The following WDR45B variants were observed in gnomAD, a reference collection of about 807,000 sequenced individuals.
WDR45B encodes WD repeat domain phosphoinositide-interacting protein 3.
Under a neutral mutation model 44.6 loss-of-function variants are expected in WDR45B, and 20 were observed. The ratio of observed to expected loss-of-function variants is 0.45; its 90% confidence interval spans 0.32 to 0.65. The LOEUF is 0.65. Ranked by LOEUF, WDR45B falls within the 30% of genes least tolerant of loss-of-function variation. WDR45B has a pLI of 0.05. For synonymous variants in WDR45B, 169 were observed against 164.9 expected (o/e 1.02, Z -0.19); for missense variants, 323 against 430.2 (o/e 0.75, Z 2.20).
chr17:82,641,257 G>A lies in WDR45B; in HGVS notation c.142+2692C>T, dbSNP rs980067865. Among the ~76,000 whole-genome samples, 9 of 152,106 alleles carry A rather than the reference G, an allele frequency of 5.9e-5. No homozygotes were observed. In the East Asian group the frequency reaches 1.5e-3, roughly 26 times the overall value. On this transcript the variant is annotated intron_variant, in intron 2 of 9. Transcript: ENST00000392325. ...GCTGGGATTACAGGCGTGAGCCACC[G>A]TGCGGGCCGTCAAACTCATTTTTAT...
rs1452156658 is a variant in WDR45B at position 82,615,529 on chromosome 17, C to G, written c.*390G>C. 1 of 302,176 alleles carries G rather than the reference C, an allele frequency of 3.3e-6. No individual in the cohort carries two copies. Among genetic ancestry groups the G allele is most frequent in the African/African-American group, 2.2e-5 (1 of 46,500 alleles). 18.7% of individuals were successfully genotyped at this position (302,176 alleles called of 1,614,324 possible). A position where few individuals can be genotyped will look rare whatever the true frequency, so the allele number is the denominator to read the frequency against. On this transcript the variant is annotated 3_prime_UTR_variant, in exon 10 of 10. Coordinates refer to ENST00000392325, the MANE Select transcript of WDR45B (RefSeq NM_019613.4). ...CTTGTTCACTCCCCCGCTGCAGACT[C>G]AGTAAGAACGACGGAATCTGCTGCA...
intron 3 of WDR45B, among the ~76,000 whole-genome samples, chr17:82,627,494 G>A (rs1393209429): frequency 6.6e-6 from 1 of 152,260 alleles, no homozygotes; most frequent in African/African-American, 2.4e-5. Flanking sequence ...CCGCCCTCGG[G>A]CACCTTCCCC....
In WDR45B at chr17:82,637,365, C is replaced by T. The variant is rs146790515; in HGVS notation, c.143-6343G>A. 8.0e-4 allele frequency among the ~76,000 whole-genome samples: 122 copies of T among 151,916 alleles called. 1 individual carries two copies. The highest frequency in any genetic ancestry group is 2.8e-3 in the African/African-American group (116 of 41,298). ...CAGTCCTTGTGGTACAGAGAAAAAC[C>T]CTCTCCTCTAATCATGGTCTCTATT... On this transcript the variant is annotated intron_variant, in intron 2 of 9. Transcript: ENST00000392325.
rs564166976 is a variant in WDR45B, at chr17:82,639,793, G to A, written c.142+4156C>T. On this transcript the variant is annotated intron_variant, in intron 2 of 9. Transcript: ENST00000392325. ...TGCTGGGCTGTGTGTGTGTGGGGTCGGGAGGGCTGCTGGGCTGTGTGTGTG... is the reference window on the plus strand; with the variant it reads ...TGCTGGGCTGTGTGTGTGTGGGGTCAGGAGGGCTGCTGGGCTGTGTGTGTG... Among the ~76,000 whole-genome samples the A allele has an allele frequency of 9.9e-4, 136 of 137,484 alleles. 2 individuals carry two copies. Among genetic ancestry groups the A allele is most frequent in the African/African-American group, 3.4e-3 (129 of 37,570 alleles). 90.2% of individuals were successfully genotyped at this position (137,484 alleles called of 152,430 possible). A position where few individuals can be genotyped will look rare whatever the true frequency, so the allele number is the denominator to read the frequency against.
chr17:82,621,547 C>T, intron 6 of WDR45B, 62 bp downstream of exon 6: 2 of 1,608,360 alleles, frequency 1.2e-6, no homozygotes, highest in Non-Finnish European at 1.7e-6. Context: ...CAGGGAATGG[C>T]CATTTTGCTG....
chr17:82,629,382 C>G, intron 3 of WDR45B: 2 of 514,714 alleles, frequency 3.9e-6, no homozygotes, highest in Non-Finnish European at 5.0e-6. Flanking sequence ...AGTCATTCTC[C>G]TGCAAATCCT....
chr17:82,634,617 T>C (rs2045811333), intron 2 of WDR45B, among the ~76,000 whole-genome samples: 1 of 151,936 alleles, frequency 6.6e-6, no homozygotes, highest in Non-Finnish European at 1.5e-5. Context: ...GCAGCATCAT[T>C]CACAATAGCA....
intron 5 of WDR45B, 69 bp downstream of exon 5, chr17:82,625,320 G>C (rs2045680438): frequency 6.8e-7 from 1 of 1,462,166 alleles, no homozygotes; most frequent in African/African-American, 1.4e-5. Flanking sequence ...CTTGGAGAAG[G>C]GAGTGCCCAG....
chr17:82,619,093 C>A lies in WDR45B; in HGVS notation c.654G>T (p.Gly218=). The A allele has an allele frequency of 6.2e-7, 1 of 1,614,176 alleles. No individual in the cohort carries two copies. The highest frequency in any genetic ancestry group is 8.5e-7 in the Non-Finnish European group (1 of 1,180,026). The change falls in exon 7 of 10, where the codon GGG becomes GGT. Residue 218 remains glycine (G), a synonymous_variant. Transcript: ENST00000392325. ...CTCTTCGCAGTTCCTGGATTAAATGCCCTGATGAAGTATCAAATATTCTTA... is the reference window on the plus strand; with the variant it reads ...CTCTTCGCAGTTCCTGGATTAAATGACCTGATGAAGTATCAAATATTCTTA... ...TLIRIFDTSS[G]HLIQELRRGS...
chr17:82,643,126 T>C (rs945307106), intron 2 of WDR45B, among the ~76,000 whole-genome samples: 6 of 152,140 alleles, frequency 3.9e-5, no homozygotes, highest in Non-Finnish European at 7.4e-5. Context: ...GTTATCAACC[T>C]TATTTCACGT....
intron 2 of WDR45B, among the ~76,000 whole-genome samples, chr17:82,635,905 T>G (rs1319597273): frequency 6.6e-6 from 1 of 151,520 alleles, no homozygotes; most frequent in Non-Finnish European, 1.5e-5. Flanking sequence ...GCGACCAACA[T>G]GGAAAACCCC....
chr17:82,632,596 G>A (rs1314894467), intron 2 of WDR45B, among the ~76,000 whole-genome samples: 4 of 152,100 alleles, frequency 2.6e-5, no homozygotes, highest in African/African-American at 7.2e-5. Context: ...AAACTCCCAC[G>A]TTCTGCATGG....
chr17:82,648,150 C>CGGGGCCG lies in WDR45B; in HGVS notation c.67+117_67+123dup, dbSNP rs920385867. Reference sequence around the variant, plus strand: ...CGGGGGCTTCGGAGGGGAGCTCGGGCGGGGCCGGGGTCCCGGGTGGAAGGC... The same window carrying CGGGGCCG: ...CGGGGGCTTCGGAGGGGAGCTCGGGCGGGGCCGGGGGCCGGGGTCCCGGGTGGAAGGC... On this transcript the variant is annotated intron_variant, in intron 1 of 9. Coordinates refer to ENST00000392325, the MANE Select transcript of WDR45B (RefSeq NM_019613.4). 2.2e-5 allele frequency: 25 copies of CGGGGCCG among 1,142,416 alleles called. No homozygotes were observed. The African/African-American group carries it at 4.1e-4, about 19-fold the overall frequency. The allele number at this position is 1,142,416 out of a possible 1,614,324, so 70.8% of individuals were successfully genotyped here.
intron 6 of WDR45B, among the ~76,000 whole-genome samples, chr17:82,620,541 C>T (rs954689608): frequency 3.9e-5 from 6 of 152,234 alleles, no homozygotes; most frequent in Non-Finnish European, 8.8e-5. Flanking sequence ...TCCCCACGTG[C>T]TGAGGAGTGA....
chr17:82,630,284 C>T (rs2045750274), intron 3 of WDR45B, among the ~76,000 whole-genome samples: 1 of 145,156 alleles, frequency 6.9e-6, no homozygotes, highest in African/African-American at 2.5e-5. Context: ...CCCAGATCTG[C>T]CTCCCACCTC....
chr17:82,646,504 AAAAAAAAAC>A (rs1469852132), intron 1 of WDR45B, among the ~76,000 whole-genome samples: 57 of 147,780 alleles, frequency 3.9e-4, no homozygotes, highest in Middle Eastern at 7.0e-3. Flanking sequence ...AAAAAAAAAA[AAAAAAAAAC>A]CCAAAACAAA....
intron 2 of WDR45B, among the ~76,000 whole-genome samples, chr17:82,641,766 C>T (rs1243568384): frequency 6.6e-6 from 1 of 152,000 alleles, no homozygotes; most frequent in Non-Finnish European, 1.5e-5. Flanking sequence ...GGCGTGGTGG[C>T]AGGTGCCTGC....
At chr17:82,632,026 AG>A in intron 2 of WDR45B, among the ~76,000 whole-genome samples, 1 of 151,600 alleles carries the variant, frequency 6.6e-6, no homozygotes, top group East Asian at 2.0e-4. Flanking sequence ...GGCTGCAGTG[AG>A]CCGAGATCAC....
At chr17:82,639,879 G>T (rs1470254457) in intron 2 of WDR45B, among the ~76,000 whole-genome samples, 49 of 116,214 alleles carry the variant, frequency 4.2e-4, no homozygotes, top group Non-Finnish European at 7.6e-4. Context: ...GCTGTGTGTG[G>T]GTCGGGAGGG....
Sources: allele counts gnomAD v4.1 joint callset (sites outside exome capture counted in the v4.1 genomes callset), GRCh38; gene constraint gnomAD v4.1.1; transcripts MANE v1.5; gene names NCBI Gene and HGNC (gene_info 2026-07-23, HGNC 2026-07-21).